Variants in TTC28 observed in about 807,000 individuals in gnomAD.
The protein encoded by TTC28 is tetratricopeptide repeat domain 28.
A neutral mutation model predicts 198.0 loss-of-function variants in TTC28; 61 were observed. The observed-to-expected ratio is 0.31, with a 90% CI of 0.25 to 0.38. The LOEUF is 0.38. Ranked by LOEUF, TTC28 falls within the 10% of genes least tolerant of loss-of-function variation. TTC28 has a pLI of 1.00. For synonymous variants in TTC28, 1,171 were observed against 1,297.8 expected (o/e 0.90, Z 2.10); for missense variants, 2,678 against 3,164.0 (o/e 0.85, Z 3.69).
At chr22:28,553,601 T>A (rs2049734713) in intron 2 of TTC28, among the ~76,000 whole-genome samples, 1 of 150,230 alleles carries the variant, frequency 6.7e-6, no homozygotes, top group Non-Finnish European at 1.5e-5. Context: ...AGCCACCCCG[T>A]CTGGGAAGTG....
chr22:28,071,748 G>GAAAAAAAAAAAAAAAAAAAAAAAAACA (rs371615737), intron 12 of TTC28, among the ~76,000 whole-genome samples: 1 of 91,134 alleles, frequency 1.1e-5, no homozygotes, highest in Non-Finnish European at 2.3e-5. Context: ...AAAAAAAAAG[G>GAAAAAAAAAAAAAAAAAAAAAAAAACA]AAAAAAAAAA....
At chr22:28,457,206 G>A (rs1166485580) in intron 2 of TTC28, among the ~76,000 whole-genome samples, 2 of 152,110 alleles carry the variant, frequency 1.3e-5, no homozygotes, top group Non-Finnish European at 2.9e-5. Flanking sequence ...AGCTAATTAG[G>A]CCGAGTAAGA....
At chr22:28,662,023 A>C (rs1311092098) in intron 1 of TTC28, among the ~76,000 whole-genome samples, 1 of 152,188 alleles carries the variant, frequency 6.6e-6, no homozygotes, top group Non-Finnish European at 1.5e-5. Context: ...TACAGAAAGG[A>C]ACAACCATGC....
At chr22:28,300,550 T>C (rs1015414311) in intron 3 of TTC28, among the ~76,000 whole-genome samples, 4 of 152,014 alleles carry the variant, frequency 2.6e-5, no homozygotes, top group Admixed American at 1.3e-4. Context: ...TCTCGGTATA[T>C]AGGAAATACA....
chr22:28,586,944 C>A (rs1330883136), intron 2 of TTC28, among the ~76,000 whole-genome samples: 2 of 152,076 alleles, frequency 1.3e-5, no homozygotes, highest in African/African-American at 2.4e-5. Context: ...TTATAACTGG[C>A]AGGGTGGTAG....
chr22:28,104,204 A>G (rs1265339644), intron 8 of TTC28, among the ~76,000 whole-genome samples: 1 of 152,154 alleles, frequency 6.6e-6, no homozygotes, highest in Non-Finnish European at 1.5e-5. Flanking sequence ...CTGCAACTGT[A>G]AAGTTAGAAA....
intron 2 of TTC28, among the ~76,000 whole-genome samples, chr22:28,567,013 G>A (rs1377525584): frequency 3.9e-5 from 6 of 152,204 alleles, no homozygotes; most frequent in South Asian, 4.1e-4. Flanking sequence ...TCAGGAGTTC[G>A]AGACCAGCCT....
In TTC28 at chr22:27,998,751, G is replaced by A. The variant is rs563934491; in HGVS notation, c.4908C>T (p.Asp1636=). ...AGGCCCTTGTCAGCGCGATGACCCC[G>A]TCGGCTGTGACTTTGCTGTTGGACT... is the stretch of plus-strand genomic sequence containing the variant. ...SQESNSKVTA[D]GVIALTRAFL... The change falls in exon 16 of 23, where the codon GAC becomes GAT. Residue 1636 remains aspartate, a synonymous_variant. Coordinates refer to ENST00000397906, the MANE Select transcript of TTC28 (RefSeq NM_001145418.2). The A allele has an allele frequency of 1.1e-4, 169 of 1,550,746 alleles. No individual in the cohort carries two copies. The South Asian group carries it at 1.5e-3, about 14-fold the overall frequency.
At position 27,990,021 on chromosome 22, in the gene TTC28, G is replaced by C; in HGVS notation, c.5578-14C>G. ...CACCTGGTGGAGCTGAGGAAGGGGG[G>C]ACAGCGTGAGCACCCTGTGTCTCCT... On this transcript the variant is annotated splice_polypyrimidine_tract_variant and intron_variant, in intron 20 of 22. Transcript: ENST00000397906. 6.5e-7 allele frequency: 1 copy of C among 1,548,252 alleles called. No homozygotes were observed. Among genetic ancestry groups the C allele is most frequent in the South Asian group, 1.2e-5 (1 of 83,922 alleles).
At chr22:28,660,493 T>TTTTTTG (rs1212142994) in intron 1 of TTC28, among the ~76,000 whole-genome samples, 2 of 152,054 alleles carry the variant, frequency 1.3e-5, no homozygotes, top group African/African-American at 4.8e-5. Flanking sequence ...ACCCGGCTAA[T>TTTTTTG]TTTTTGTTTT....
intron 12 of TTC28, among the ~76,000 whole-genome samples, chr22:28,034,603 G>A (rs1368027678): frequency 6.6e-6 from 1 of 152,212 alleles, no homozygotes; most frequent in Admixed American, 6.5e-5. Context: ...CAGAGTCCTG[G>A]CTGGACCCTG....
At chr22:28,235,220 G>GTT (rs134181) in intron 5 of TTC28, among the ~76,000 whole-genome samples, 1 of 151,990 alleles carries the variant, frequency 6.6e-6, no homozygotes, top group Non-Finnish European at 1.5e-5. Flanking sequence ...TTATTGTTTT[G>GTT]TTTTTTATTC....
chr22:28,618,446 C>T (rs2050937290), intron 2 of TTC28, among the ~76,000 whole-genome samples: 1 of 152,098 alleles, frequency 6.6e-6, no homozygotes, highest in Admixed American at 6.5e-5. Context: ...CTTTGGGAGG[C>T]TGAGGCAGGT....
At position 28,052,717 on chromosome 22, in the gene TTC28, T is replaced by C. The variant is rs955213188; in HGVS notation, c.3933-22351A>G. ...ATGTCTCGAGTGTTTTATTTCCTTA[T>C]GTATATTCAATACTTTATAAAATGT... On this transcript the variant is annotated intron_variant, in intron 12 of 22. Coordinates refer to ENST00000397906, the MANE Select transcript of TTC28 (RefSeq NM_001145418.2). 2.6e-5 allele frequency among the ~76,000 whole-genome samples: 4 copies of C among 152,258 alleles called. No homozygotes were observed. In the South Asian group the frequency reaches 8.3e-4, roughly 31 times the overall value.
chr22:28,429,547 GCAGA>G, intron 2 of TTC28, among the ~76,000 whole-genome samples: 1 of 151,842 alleles, frequency 6.6e-6, no homozygotes, highest in East Asian at 1.9e-4. Flanking sequence ...ATTTATTTTT[GCAGA>G]CAATCATAGC....
At chr22:28,152,251 G>C (rs1300394471) in intron 6 of TTC28, among the ~76,000 whole-genome samples, 5 of 152,184 alleles carry the variant, frequency 3.3e-5, no homozygotes, top group African/African-American at 4.8e-5. Context: ...ACTCCTCTAG[G>C]AATGCTTGCT....
chr22:28,262,080 A>C (rs1011141797), intron 5 of TTC28, among the ~76,000 whole-genome samples: 4 of 151,678 alleles, frequency 2.6e-5, no homozygotes, highest in African/African-American at 9.7e-5. Flanking sequence ...TCTCTCTCTC[A>C]CTCTCCCTCT....
At chr22:28,193,038 G>T (rs886523039) in intron 5 of TTC28, among the ~76,000 whole-genome samples, 9 of 152,188 alleles carry the variant, frequency 5.9e-5, no homozygotes, top group African/African-American at 1.9e-4. Context: ...GGCAGCCAGA[G>T]AGAAAGGTCG....
At chr22:28,294,704 G>A (rs2044856678) in intron 5 of TTC28, among the ~76,000 whole-genome samples, 1 of 151,996 alleles carries the variant, frequency 6.6e-6, no homozygotes, top group Non-Finnish European at 1.5e-5. Context: ...AAGTAGCTGG[G>A]ATTACAGGCA....
Sources: allele counts gnomAD v4.1 joint callset (sites outside exome capture counted in the v4.1 genomes callset), GRCh38; gene constraint gnomAD v4.1.1; transcripts MANE v1.5; gene names NCBI Gene and HGNC (gene_info 2026-07-23, HGNC 2026-07-21).